TRDN: variants seen among roughly 807,000 people sequenced by gnomAD.
TRDN encodes triadin in skeletal muscle.
A neutral mutation model predicts 149.7 loss-of-function variants in TRDN; 161 were observed. The ratio of observed to expected loss-of-function variants is 1.08; its 90% CI spans 0.95 to 1.23. The LOEUF is 1.23. Among genes scored for constraint, TRDN ranks in the 50% most tolerant of loss-of-function variants. The pLI is 0.00. For missense variants in TRDN, 896 were observed against 823.5 expected, an observed-to-expected ratio of 1.09 and a Z score of -1.08; for synonymous variants, 294 against 250.5, an observed-to-expected ratio of 1.17 and a Z score of -1.64.
At chr6:123,478,698 T>C (rs1184746233) in intron 9 of TRDN, among the ~76,000 whole-genome samples, 2 of 152,190 alleles carry the variant, frequency 1.3e-5, no homozygotes, top group African/African-American at 4.8e-5. Flanking sequence ...TGCAATGTCC[T>C]AACTTGCCAT....
chr6:123,273,136 T>G (rs1183073706), intron 28 of TRDN, 125 bp from the exon 29 acceptor site: 2 of 754,890 alleles, frequency 2.6e-6, no homozygotes, highest in East Asian at 3.2e-5. Flanking sequence ...CTTGTTTCTA[T>G]GTAAAACTTA....
chr6:123,405,646 T>C (rs1414110688), intron 12 of TRDN, among the ~76,000 whole-genome samples: 1 of 152,118 alleles, frequency 6.6e-6, no homozygotes, highest in African/African-American at 2.4e-5. Context: ...GAGGTTACCG[T>C]GATAAATTCT....
intron 1 of TRDN, among the ~76,000 whole-genome samples, chr6:123,624,247 C>T (rs1414222712): frequency 6.6e-6 from 1 of 152,052 alleles, no homozygotes; most frequent in Non-Finnish European, 1.5e-5. Context: ...TGTCTCAAAG[C>T]ACCTGGGTAT....
intron 8 of TRDN, among the ~76,000 whole-genome samples, chr6:123,500,281 T>C (rs758835104): frequency 3.6e-4 from 55 of 152,202 alleles, no homozygotes; most frequent in Non-Finnish European, 5.6e-4. Flanking sequence ...TCAAAGCTGA[T>C]AGGAATTTTC....
chr6:123,353,233 T>C (rs1780535028), intron 20 of TRDN, among the ~76,000 whole-genome samples: 1 of 151,884 alleles, frequency 6.6e-6, no homozygotes, highest in South Asian at 2.1e-4. Flanking sequence ...TCTTCAGAGT[T>C]CATTAGCAAC....
intron 5 of TRDN, among the ~76,000 whole-genome samples, chr6:123,520,494 G>C (rs2114279682): frequency 6.6e-6 from 1 of 152,224 alleles, no homozygotes; most frequent in East Asian, 1.9e-4. Context: ...AAGCCAAAAT[G>C]TGCTGACCGA....
intron 9 of TRDN, among the ~76,000 whole-genome samples, chr6:123,467,260 C>T (rs1776878668): frequency 6.7e-6 from 1 of 150,100 alleles, no homozygotes; most frequent in South Asian, 2.1e-4. Flanking sequence ...AAGGAGCCTG[C>T]CAGGTAAGGA....
intron 38 of TRDN, among the ~76,000 whole-genome samples, chr6:123,248,008 CTATT>C (rs1208434110): frequency 4.6e-5 from 7 of 152,062 alleles, no homozygotes; most frequent in Admixed American, 1.3e-4. Flanking sequence ...AAAGGATTCT[CTATT>C]TAATAAATAG....
chr6:123,598,817 G>A (rs1352435316), intron 1 of TRDN, among the ~76,000 whole-genome samples: 1 of 152,042 alleles, frequency 6.6e-6, no homozygotes, highest in South Asian at 2.1e-4. Context: ...ATCTAGAAAA[G>A]TAACTGACAT....
intron 12 of TRDN, among the ~76,000 whole-genome samples, chr6:123,397,838 A>G (rs183613749): frequency 7.7e-4 from 118 of 152,342 alleles, no homozygotes; most frequent in African/African-American, 2.5e-3. Flanking sequence ...ACAACAAAAA[A>G]TGAAAATATT....
At chr6:123,393,458 A>G (rs750934177) in intron 13 of TRDN, among the ~76,000 whole-genome samples, 166 bp downstream of exon 13, 6 of 152,070 alleles carry the variant, frequency 3.9e-5, no homozygotes, top group Non-Finnish European at 8.8e-5. Context: ...TGCTTGCTCC[A>G]ATTACTAAAT....
At chr6:123,272,040 C>G (rs1373393404) in intron 29 of TRDN, among the ~76,000 whole-genome samples, 2 of 151,842 alleles carry the variant, frequency 1.3e-5, no homozygotes, top group Non-Finnish European at 2.9e-5. Flanking sequence ...GACAGCTCTT[C>G]TCACCTCTCC....
intron 38 of TRDN, among the ~76,000 whole-genome samples, chr6:123,226,983 A>T (rs1220363347): frequency 2.0e-5 from 3 of 151,904 alleles, no homozygotes; most frequent in Non-Finnish European, 4.4e-5. Context: ...AAAAGGCTAG[A>T]GACAGCGAAG....
intron 1 of TRDN, among the ~76,000 whole-genome samples, chr6:123,611,447 A>T (rs1583321157): frequency 6.6e-6 from 1 of 152,178 alleles, no homozygotes; most frequent in Admixed American, 6.5e-5. Context: ...TGTATTATCC[A>T]TTTTATGTAT....
chr6:123,506,157 C>G (rs1778912550), intron 7 of TRDN, among the ~76,000 whole-genome samples: 1 of 152,144 alleles, frequency 6.6e-6, no homozygotes, highest in Non-Finnish European at 1.5e-5. Context: ...ACCTCAATCT[C>G]ATGCAACTCA....
intron 3 of TRDN, 23 bp downstream of exon 3, chr6:123,548,431 A>G: frequency 6.7e-7 from 1 of 1,481,540 alleles, no homozygotes; most frequent in Non-Finnish European, 9.0e-7. Flanking sequence ...TAGCAGTTAG[A>G]TATATCTCTA....
intron 24 of TRDN, among the ~76,000 whole-genome samples, chr6:123,290,828 G>A (rs536578257): frequency 3.3e-5 from 5 of 152,262 alleles, no homozygotes; most frequent in East Asian, 1.9e-4. Flanking sequence ...ACCAGTGAGT[G>A]AAAAAGAGAG....
chr6:123,556,237 A>G (rs756605122), intron 2 of TRDN, among the ~76,000 whole-genome samples: 5 of 152,126 alleles, frequency 3.3e-5, no homozygotes, highest in African/African-American at 4.8e-5. Context: ...TAAATGTTCT[A>G]TTTTAAAAAT....
chr6:123,241,218 A>G (rs1775975602), intron 38 of TRDN, among the ~76,000 whole-genome samples: 1 of 151,328 alleles, frequency 6.6e-6, no homozygotes, highest in African/African-American at 2.4e-5. Context: ...AAATATAATC[A>G]ATAAAAATAG....
Sources: gnomAD v4.1 joint callset for allele counts (sites outside exome capture counted in the v4.1 genomes callset) on GRCh38, gnomAD v4.1.1 for gene constraint, MANE v1.5 for transcripts, NCBI Gene and HGNC (gene_info 2026-07-23, HGNC 2026-07-21) for gene names.